The following KLHL6 variants were observed in gnomAD, a reference collection of about 807,000 sequenced individuals.
The protein encoded by KLHL6 is kelch like family member 6, also known as kelch-like protein 6.
Under a neutral mutation model 58.6 loss-of-function variants are expected in KLHL6, and 41 were observed. The observed-to-expected ratio is 0.70, with a 90% CI of 0.55 to 0.91. The LOEUF is 0.91. Ranked by LOEUF, KLHL6 falls within the 40% of genes least tolerant of loss-of-function variation. The pLI is 0.00. For missense variants in KLHL6, 714 were observed against 805.6 expected (o/e 0.89, Z 1.38); for synonymous variants, 338 against 322.7 (o/e 1.05, Z -0.51).
intron 3 of KLHL6, among the ~76,000 whole-genome samples, chr3:183,504,165 C>T (rs41356154): frequency 1.2e-4 from 19 of 152,126 alleles, no homozygotes. Context: ...CAACAATAAA[C>T]GAACCAAGTG....
At chr3:183,541,884 A>G (rs770986363) in intron 1 of KLHL6, among the ~76,000 whole-genome samples, 5 of 152,160 alleles carry the variant, frequency 3.3e-5, no homozygotes, top group Admixed American at 6.5e-5. Flanking sequence ...CCTGGGCAGG[A>G]GAAGGGTTGA....
At chr3:183,528,571 C>T (rs1712056225) in intron 1 of KLHL6, among the ~76,000 whole-genome samples, 1 of 152,180 alleles carries the variant, frequency 6.6e-6, no homozygotes, top group African/African-American at 2.4e-5. Context: ...CTGGATTCTG[C>T]CTTTCCTGCT....
rs148725846 is a variant in KLHL6, at chr3:183,499,057, G to A, written c.1147+533C>T. On this transcript the variant is annotated intron_variant, in intron 4 of 6. Coordinates refer to ENST00000341319, the MANE Select transcript of KLHL6 (RefSeq NM_130446.4). This position sits in a 1 kb window ranked among gnomAD's most constrained non-coding sequence, Gnocchi z 4.6. ...CCAGGTTTTCTATTAATAGTACAAC[G>A]CTGGCCGGACGAGGTGGCTCACGCC... Among the ~76,000 whole-genome samples the A allele has an allele frequency of 2.0e-4, 31 of 152,236 alleles. 2 individuals are homozygous for A. The East Asian group carries it at 6.0e-3, about 29-fold the overall frequency.
At chr3:183,543,286 CAAAA>C (rs148496860) in intron 1 of KLHL6, among the ~76,000 whole-genome samples, 1 of 125,758 alleles carries the variant, frequency 8.0e-6, no homozygotes, top group Non-Finnish European at 1.7e-5. Flanking sequence ...AACTCCATTT[CAAAA>C]AAAAAAAAAA....
rs936917878 is a variant in KLHL6 at position 183,489,717 on chromosome 3, G to C, written c.*2210C>G. ...GCCCTGTGTTACTTTCCACAGCAGA[G>C]AGCTGAACTGTCACGCTTCTAAGGC... is the stretch of plus-strand genomic sequence containing the variant. On this transcript the variant is annotated 3_prime_UTR_variant, in exon 7 of 7. Transcript: ENST00000341319. 1 of 152,216 alleles carries C rather than the reference G, an allele frequency of 6.6e-6. No individual in the cohort carries two copies. Among genetic ancestry groups the C allele is most frequent in the Non-Finnish European group, 1.5e-5 (1 of 68,044 alleles). 9.4% of individuals were successfully genotyped at this position (152,216 alleles called of 1,614,324 possible).
At chr3:183,495,578 A>AC (rs942375713) in intron 4 of KLHL6, among the ~76,000 whole-genome samples, 1 of 103,662 alleles carries the variant, frequency 9.6e-6, no homozygotes, top group Non-Finnish European at 1.9e-5. Context: ...TTATTTTAGG[A>AC]CAAAAAAAAA....
At chr3:183,523,087 GCC>G (rs1269212587) in intron 2 of KLHL6, 2 of 152,260 alleles carry the variant, frequency 1.3e-5, no homozygotes, top group Non-Finnish European at 2.9e-5. Flanking sequence ...ACAGGCGTGA[GCC>G]ACCGCGCCTG....
intron 1 of KLHL6, among the ~76,000 whole-genome samples, chr3:183,548,171 G>A (rs967918499): frequency 2.6e-5 from 4 of 152,148 alleles, no homozygotes; most frequent in African/African-American, 9.7e-5. Flanking sequence ...AAGACAGTGC[G>A]CTCTGAAAAT....
At chr3:183,497,297 AG>A (rs2108665115) in intron 4 of KLHL6, among the ~76,000 whole-genome samples, 1 of 152,358 alleles carries the variant, frequency 6.6e-6, no homozygotes, top group Admixed American at 6.5e-5. Context: ...CTGTAGTCCC[AG>A]CTACTCAGGA....
chr3:183,528,390 C>G (rs1229326343), intron 1 of KLHL6, among the ~76,000 whole-genome samples: 2 of 152,244 alleles, frequency 1.3e-5, no homozygotes, highest in African/African-American at 4.8e-5. Context: ...TCTCGTTTGG[C>G]CTGGAGCCTG....
chr3:183,528,086 C>T (rs879462899), intron 1 of KLHL6, 76 bp from the exon 2 acceptor site: 2 of 1,527,362 alleles, frequency 1.3e-6, no homozygotes, highest in Admixed American at 3.4e-5. Context: ...CTTTCAGACT[C>T]ATCAGGCCCT....
At chr3:183,547,971 T>C (rs923324765) in intron 1 of KLHL6, among the ~76,000 whole-genome samples, 3 of 152,104 alleles carry the variant, frequency 2.0e-5, no homozygotes, top group African/African-American at 7.2e-5. Context: ...AATGTAAAAA[T>C]CAGAGCCTCC....
Position 183,492,657 on chromosome 3 carries a change from C to A in KLHL6, c.1401G>T (p.Lys467Asn). 6.2e-7 allele frequency: 1 copy of A among 1,614,076 alleles called. No individual in the cohort carries two copies. The highest frequency in any genetic ancestry group is 1.3e-5 in the African/African-American group (1 of 75,038). Reference protein sequence around the residue: ...HVSSFAATSHKKKLYVIGGGP... With the variant: ...HVSSFAATSHNKKLYVIGGGP... ...CTCCCCCGATCACATACAGCTTCTT[C>A]TTATGGCTGGTGGCTGCAAAGGAAC... is the stretch of plus-strand genomic sequence containing the variant. Residue 467 changes from lysine (K) to asparagine (N), a missense_variant, in exon 6 of 7, where the codon AAG becomes AAT. By Grantham distance (94) the Lys-to-Asn change is moderately conservative. This residue lies in a region of KLHL6 where 510 missense variants were observed against 629.7 expected (regional missense o/e 0.81). Transcript: ENST00000341319. The surrounding 1 kb of genome is among the most constrained non-coding windows in gnomAD (Gnocchi z 5.9).
intron 1 of KLHL6, among the ~76,000 whole-genome samples, chr3:183,528,729 A>C (rs1285972265): frequency 6.6e-6 from 1 of 152,176 alleles, no homozygotes; most frequent in Non-Finnish European, 1.5e-5. Flanking sequence ...CAGGTCATTT[A>C]ATCTCCATGA....
At chr3:183,546,879 C>T (rs1487790239) in intron 1 of KLHL6, among the ~76,000 whole-genome samples, 5 of 150,114 alleles carry the variant, frequency 3.3e-5, no homozygotes, top group Admixed American at 2.0e-4. Flanking sequence ...CAACAAGTGG[C>T]GAGTCCGGAC....
Position 183,527,938 on chromosome 3 carries a change from G to A in KLHL6, c.366C>T (p.Thr122=). 2 of 1,613,920 alleles carry A rather than the reference G, an allele frequency of 1.2e-6. No homozygotes were observed. Among genetic ancestry groups the A allele is most frequent in the Admixed American group, 1.7e-5 (1 of 60,000 alleles). ...RIIIKGVDAE[T]MHTLLDYTYT... ...ACGTGTAGTCCAACAGAGTGTGCAT[G>A]GTCTCAGCATCAACCCCTTTAATAA... The change falls in exon 2 of 7, where the codon ACC becomes ACT. Residue 122 remains threonine (T), a synonymous_variant. Coordinates refer to ENST00000341319, the MANE Select transcript of KLHL6 (RefSeq NM_130446.4).
At chr3:183,501,425 A>C (rs1273782525) in intron 3 of KLHL6, among the ~76,000 whole-genome samples, 1 of 152,202 alleles carries the variant, frequency 6.6e-6, no homozygotes, top group Non-Finnish European at 1.5e-5. Flanking sequence ...GGCAATGCTT[A>C]GAAAAAAGCA....
At chr3:183,540,162 G>A (rs574644947) in intron 1 of KLHL6, among the ~76,000 whole-genome samples, 13 of 152,314 alleles carry the variant, frequency 8.5e-5, no homozygotes, top group African/African-American at 2.9e-4. Flanking sequence ...TTCAATTGGA[G>A]CCAATTCCAG....
chr3:183,528,481 A>G (rs1021005197), intron 1 of KLHL6, among the ~76,000 whole-genome samples: 1 of 152,156 alleles, frequency 6.6e-6, no homozygotes, highest in African/African-American at 2.4e-5. Context: ...CTCTCACCCC[A>G]GCAGCTGAAC....
Sources: allele counts gnomAD v4.1 joint callset (sites outside exome capture counted in the v4.1 genomes callset), GRCh38; gene constraint gnomAD v4.1.1; regional missense constraint gnomAD v4.1.1; non-coding constraint Gnocchi (gnomAD v3.1); transcripts MANE v1.5; gene names NCBI Gene and HGNC (gene_info 2026-07-23, HGNC 2026-07-21).